Variants in AKR1C3 observed in about 807,000 individuals in gnomAD.
AKR1C3 encodes the protein 3-alpha hydroxysteroid dehydrogenase, type II.
A neutral mutation model predicts 43.6 loss-of-function variants in AKR1C3; 48 were observed. The ratio of observed to expected loss-of-function variants is 1.10; its 90% CI spans 0.87 to 1.40. The LOEUF (loss-of-function observed/expected upper bound fraction) is 1.40, where lower values mean the gene tolerates loss of function less well. AKR1C3 is among the 40% of genes most tolerant of loss of function. The pLI, the probability that AKR1C3 is intolerant of heterozygous loss-of-function variation, is 0.00. For synonymous variants in AKR1C3, 162 were observed against 139.6 expected (o/e 1.16, Z -1.13); for missense variants, 482 against 391.2 (o/e 1.23, Z -1.96).
chr10:5,066,234 G>A (rs782528067), intron 1 of AKR1C3, among the ~76,000 whole-genome samples: 4 of 152,168 alleles, frequency 2.6e-5, no homozygotes, highest in African/African-American at 9.7e-5. Context: ...CTTAGAACTA[G>A]CGACTCCATT....
chr10:5,053,649 C>A (rs1011110962), intron 1 of AKR1C3, among the ~76,000 whole-genome samples: 2 of 152,362 alleles, frequency 1.3e-5, no homozygotes, highest in South Asian at 2.1e-4. Context: ...CCTGCCAGCA[C>A]ATTGTCACCT....
chr10:5,091,264 A>G (rs1459425643), upstream of AKR1C3, among the ~76,000 whole-genome samples: 2 of 152,142 alleles, frequency 1.3e-5, no homozygotes, highest in African/African-American at 4.8e-5. Context: ...TTACGTCCAA[A>G]TTAGTTTTCT....
At chr10:5,103,201 C>G (rs1554786424) in intron 7 of AKR1C3, among the ~76,000 whole-genome samples, 1 of 152,192 alleles carries the variant, frequency 6.6e-6, no homozygotes, top group African/African-American at 2.4e-5. Context: ...TCTTCATCTT[C>G]AGAAATGTGG....
At chr10:5,063,858 TC>T (rs1838437782) in intron 1 of AKR1C3, among the ~76,000 whole-genome samples, 1 of 148,708 alleles carries the variant, frequency 6.7e-6, no homozygotes, top group African/African-American at 2.5e-5. Flanking sequence ...GCCTGGGCTA[TC>T]TTCTGAGAAA....
chr10:5,082,744 T>A (rs574250410), intron 1 of AKR1C3, among the ~76,000 whole-genome samples: 1 of 152,258 alleles, frequency 6.6e-6, no homozygotes, highest in African/African-American at 2.4e-5. Flanking sequence ...AAGGATATGT[T>A]CCTCTAGTTT....
At chr10:5,077,441 G>C (rs983803841) in intron 1 of AKR1C3, among the ~76,000 whole-genome samples, 6 of 152,022 alleles carry the variant, frequency 3.9e-5, no homozygotes, top group African/African-American at 1.2e-4. Context: ...TGTTCTTGTG[G>C]GAAACTGGAG....
chr10:5,105,462 T>G (rs2131853407), intron 7 of AKR1C3, 133 bp from the exon 8 acceptor site: 1 of 628,450 alleles, frequency 1.6e-6, no homozygotes. Context: ...CACCTGAGTG[T>G]TTAGAGCTGA....
chr10:5,094,723 A>G (rs1937843), intron 1 of AKR1C3, among the ~76,000 whole-genome samples, 195 bp downstream of exon 1: 49,382 of 151,772 alleles, frequency 0.33, 8,593 homozygotes, highest in Non-Finnish European at 0.36. Flanking sequence ...CGTACTGCTT[A>G]TTTTTCGTTT....
chr10:5,098,558 CTTGA>C (rs1554785505), intron 3 of AKR1C3, among the ~76,000 whole-genome samples: 3 of 152,170 alleles, frequency 2.0e-5, no homozygotes, highest in African/African-American at 2.4e-5. Flanking sequence ...AACTGTGAAA[CTTGA>C]TTAAGACCTA....
At chr10:5,076,973 A>C (rs1427595796) in intron 1 of AKR1C3, among the ~76,000 whole-genome samples, 1 of 152,240 alleles carries the variant, frequency 6.6e-6, no homozygotes, top group Non-Finnish European at 1.5e-5. Context: ...GTTGTCTCAC[A>C]TCCACTGTGG....
intron 1 of AKR1C3, among the ~76,000 whole-genome samples, chr10:5,056,753 C>T (rs1257771457): frequency 6.6e-6 from 1 of 152,160 alleles, no homozygotes; most frequent in African/African-American, 2.4e-5. Context: ...GATAATAGCT[C>T]CAGCCTTGGC....
chr10:5,094,309 G>T, upstream of AKR1C3: 2 of 909,108 alleles, frequency 2.2e-6, no homozygotes, highest in Non-Finnish European at 1.7e-6. Flanking sequence ...GACTGCCTAT[G>T]TACCTCCTCC....
intron 1 of AKR1C3, among the ~76,000 whole-genome samples, chr10:5,063,587 G>GAA (rs1838425140): frequency 6.6e-6 from 1 of 151,526 alleles, no homozygotes; most frequent in Admixed American, 6.6e-5. Flanking sequence ...CTTGAGGCCA[G>GAA]AAGTTTGAGG....
chr10:5,103,395 A>G (rs1239287173), intron 7 of AKR1C3, among the ~76,000 whole-genome samples: 1 of 152,136 alleles, frequency 6.6e-6, no homozygotes, highest in East Asian at 1.9e-4. Context: ...GACCATAATT[A>G]TACTATTAAA....
chr10:5,061,095 G>T (rs990377403), intron 1 of AKR1C3, among the ~76,000 whole-genome samples: 1 of 152,228 alleles, frequency 6.6e-6, no homozygotes, highest in Non-Finnish European at 1.5e-5. Flanking sequence ...CTCCCACAGT[G>T]CAGCGGCGGG....
At chr10:5,051,278 G>A (rs1005347329) in intron 1 of AKR1C3, among the ~76,000 whole-genome samples, 34 of 152,082 alleles carry the variant, frequency 2.2e-4, no homozygotes, top group Admixed American at 7.2e-4. Flanking sequence ...GTATTTTTTA[G>A]TAGAGACGGG....
chr10:5,102,048 TTAACA>T (rs1479806965), intron 5 of AKR1C3, 48 bp from the exon 6 acceptor site: 4 of 1,136,266 alleles, frequency 3.5e-6, no homozygotes, highest in Non-Finnish European at 5.3e-6. Context: ...CTTTTCAATA[TTAACA>T]TAACTATTTC....
chr10:5,094,400 G>GGA, upstream of AKR1C3: 1 of 1,602,646 alleles, frequency 6.2e-7, no homozygotes, highest in Non-Finnish European at 8.5e-7. Flanking sequence ...TAATCTCTGA[G>GGA]GAGAAGCAGC....
upstream of AKR1C3, among the ~76,000 whole-genome samples, chr10:5,090,488 TG>T (rs1839066765): frequency 6.6e-6 from 1 of 152,140 alleles, no homozygotes; most frequent in African/African-American, 2.4e-5. Context: ...AAAAAACTAC[TG>T]TCCCATAGCT....
Sources: allele counts gnomAD v4.1 joint callset (sites outside exome capture counted in the v4.1 genomes callset), GRCh38; gene constraint gnomAD v4.1.1; transcripts MANE v1.5; gene names NCBI Gene and HGNC (gene_info 2026-07-23, HGNC 2026-07-21).